Variants in VPS52 observed in about 807,000 individuals in gnomAD.
VPS52 encodes vacuolar protein sorting-associated protein 52 homolog.
A neutral mutation model predicts 98.7 loss-of-function variants in VPS52; 56 were observed. That is an observed-to-expected ratio of 0.57 (90% CI 0.46 to 0.71). The LOEUF is 0.71. VPS52 is among the 30% of genes least tolerant of loss of function. The pLI is 0.00. For synonymous variants in VPS52, 348 were observed against 346.4 expected, an observed-to-expected ratio of 1.00 and a Z score of -0.05; for missense variants, 742 against 925.9, an observed-to-expected ratio of 0.80 and a Z score of 2.58.
intron 17 of VPS52, among the ~76,000 whole-genome samples, chr6:33,263,281 A>C (rs941224779): frequency 2.7e-5 from 4 of 150,778 alleles, no homozygotes; most frequent in East Asian, 3.9e-4. Flanking sequence ...AAAAAAAAAA[A>C]AAACCAAAGA....
upstream of VPS52, chr6:33,271,945 T>A (rs1049830829): frequency 2.9e-6 from 3 of 1,048,478 alleles, no homozygotes; most frequent in Non-Finnish European, 4.1e-6. Flanking sequence ...GCACCGGAAG[T>A]TGTGGTACCC....
In VPS52 at chr6:33,261,497, A is replaced by G. The variant is rs181436989; in HGVS notation, c.1794+1987T>C. Among the ~76,000 whole-genome samples, 333 of 152,210 alleles carry G rather than the reference A, an allele frequency of 2.2e-3. 1 individual carries two copies. Among genetic ancestry groups the G allele is most frequent in the African/African-American group, 7.6e-3 (315 of 41,524 alleles). On this transcript the variant is annotated intron_variant, in intron 17 of 19. Transcript: ENST00000445902. ...AAAAAAAAGAGAGATAGTCTCTTCA[A>G]TAATGGTGCTGGGAAAACTGGCTAT...
At chr6:33,253,464 T>C (rs1762556309) in intron 17 of VPS52, among the ~76,000 whole-genome samples, 1 of 141,934 alleles carries the variant, frequency 7.0e-6, no homozygotes, top group Non-Finnish European at 1.5e-5. Context: ...CACTCCAGCC[T>C]GGAGGCAACA....
In VPS52 at chr6:33,268,194, G is replaced by T; in HGVS notation, c.714C>A (p.Ile238=). 1 of 1,613,064 alleles carries T rather than the reference G, an allele frequency of 6.2e-7. No individual in the cohort carries two copies. The highest frequency in any genetic ancestry group is 8.5e-7 in the Non-Finnish European group (1 of 1,180,028). Residue 238 remains isoleucine (I), a synonymous_variant, in exon 8 of 20, where the codon ATC becomes ATA. Transcript: ENST00000445902. This position sits in a 1 kb window ranked among gnomAD's most constrained non-coding sequence, Gnocchi z 4.0. ...DRLRVKAVTK[I]REFILQKIYS... ...AAATCTTCTGGAGGATAAACTCTCG[G>T]ATCTTCGTCACTGCCTAGATGTGGG... is the stretch of plus-strand genomic sequence containing the variant.
At chr6:33,263,939 G>A (rs1001899236) in intron 15 of VPS52, 60 bp from the exon 16 acceptor site, 311 of 1,613,282 alleles carry the variant, frequency 1.9e-4, no homozygotes, top group Non-Finnish European at 2.5e-4. Context: ...GCCCCATCTG[G>A]CTCCTCCTCA....
At chr6:33,252,628 T>C (rs1214277478) in intron 17 of VPS52, among the ~76,000 whole-genome samples, 1 of 147,232 alleles carries the variant, frequency 6.8e-6, no homozygotes, top group Non-Finnish European at 1.5e-5. Context: ...AAATGACCAA[T>C]TAGTAAGAAC....
intron 17 of VPS52, among the ~76,000 whole-genome samples, chr6:33,257,013 T>TA (rs1763072669): frequency 6.6e-6 from 1 of 151,938 alleles, no homozygotes; most frequent in East Asian, 1.9e-4. Flanking sequence ...TCTCTCTATA[T>TA]ATTTGTTTAT....
Position 33,250,987 on chromosome 6 carries a change from C to T in VPS52, c.2026G>A (p.Gly676Arg). 1 of 1,612,982 alleles carries T rather than the reference C, an allele frequency of 6.2e-7. No individual in the cohort carries two copies. The highest frequency in any genetic ancestry group is 8.5e-7 in the Non-Finnish European group (1 of 1,180,022). The stretch of plus-strand genomic sequence containing the variant: ...AGCTGGATCAGCTGGGTCAGCGCTC[C>T]CTGGTCAAAGAAAGTCATTGAGGGA... ...NFRNGTSIIQGALTQLIQLYH... is the reference protein window; with the variant it reads ...NFRNGTSIIQRALTQLIQLYH... The change falls in exon 20 of 20, where the codon GGA becomes AGA. Residue 676 changes from glycine (G) to arginine (R), a missense_variant and splice_region_variant. Around this residue, in one of 2 missense-constraint regions of VPS52, gnomAD observed 590 missense variants for 793.3 expected, o/e 0.74. Coordinates refer to ENST00000445902, the MANE Select transcript of VPS52 (RefSeq NM_022553.6).
In VPS52 at chr6:33,267,997, C is replaced by A; in HGVS notation, c.801G>T (p.Arg267Ser). 6.2e-7 allele frequency: 1 copy of A among 1,613,002 alleles called. No individual in the cohort carries two copies. Among genetic ancestry groups the A allele is most frequent in the Non-Finnish European group, 8.5e-7 (1 of 1,179,992 alleles). Residue 267 changes from arginine (R) to serine (S), a missense_variant and splice_region_variant, in exon 9 of 20, where the codon AGG becomes AGT. Transcript: ENST00000445902. The surrounding 1 kb of genome is among the most constrained non-coding windows in gnomAD (Gnocchi z 4.2). ...QIPQTALLKY[R>S]FFYQFLLGNE... is the part of the protein sequence containing the mutation. ...TGCCCAGCAGAAACTGATAGAAGAACCTAGGGGGTCAGGAACATGTCAGTC... is the reference window on the plus strand; with the variant it reads ...TGCCCAGCAGAAACTGATAGAAGAAACTAGGGGGTCAGGAACATGTCAGTC...
rs1055010102 is a variant in VPS52 at position 33,266,252 on chromosome 6, C to T, written c.1281+305G>A. On this transcript the variant is annotated intron_variant, in intron 12 of 19. Transcript: ENST00000445902. The stretch of plus-strand genomic sequence containing the variant: ...CTCCTGGGCTCAAGCAATCCTTCCA[C>T]CTCAGCATCTTTAGTAGCTGTGACC... Among the ~76,000 whole-genome samples, 3 of 151,484 alleles carry T rather than the reference C, an allele frequency of 2.0e-5. No individual in the cohort carries two copies. The South Asian group carries it at 6.2e-4, about 31-fold the overall frequency.
At chr6:33,270,399 G>T in intron 1 of VPS52, 116 bp from the exon 2 acceptor site, 1 of 936,864 alleles carries the variant, frequency 1.1e-6, no homozygotes, top group Non-Finnish European at 1.6e-6. Context: ...GGAGCCACAG[G>T]TACTGCTTTG....
chr6:33,269,205 A>G lies in VPS52; in HGVS notation c.373-16T>C. 6.2e-7 allele frequency: 1 copy of G among 1,612,850 alleles called. No individual in the cohort carries two copies. The highest frequency in any genetic ancestry group is 1.1e-5 in the South Asian group (1 of 91,082). On this transcript the variant is annotated splice_polypyrimidine_tract_variant and intron_variant, in intron 5 of 19. Transcript: ENST00000445902. The stretch of plus-strand genomic sequence containing the variant: ...GCTCCATTCGCTGTAGGGAGGGTAG[A>G]TGTTGCCGGAGTGCTATAGGGTTTG...
rs536842723 is a variant in VPS52, at chr6:33,267,447, C to G, written c.992-126G>C. 2.1e-6 allele frequency: 3 copies of G among 1,426,310 alleles called. No homozygotes were observed. The highest frequency in any genetic ancestry group is 2.9e-5 in the African/African-American group (2 of 69,550). 88.4% of individuals were successfully genotyped at this position (1,426,310 alleles called of 1,614,324 possible). On this transcript the variant is annotated intron_variant, in intron 10 of 19. Transcript: ENST00000445902. This position sits in a 1 kb window ranked among gnomAD's most constrained non-coding sequence, Gnocchi z 4.2. Reference sequence around the variant, plus strand: ...CCTCTTTCCCAGTACTAGGGCCCCACGTGCTGACATCTGTGAATGGGCTTC... The same window carrying G: ...CCTCTTTCCCAGTACTAGGGCCCCAGGTGCTGACATCTGTGAATGGGCTTC...
rs946731904 is a variant in VPS52, at chr6:33,267,124, C to A, written c.1125+64G>T. On this transcript the variant is annotated intron_variant, in intron 11 of 19. Coordinates refer to ENST00000445902, the MANE Select transcript of VPS52 (RefSeq NM_022553.6). This position sits in a 1 kb window ranked among gnomAD's most constrained non-coding sequence, Gnocchi z 4.2. ...AGGTTGGGAAGCTCTGCCCTGAGGT[C>A]TGGCCTTCCCTCCCCACCGTGCTCA... 6.9e-7 allele frequency: 1 copy of A among 1,448,428 alleles called. No homozygotes were observed. Among genetic ancestry groups the A allele is most frequent in the African/African-American group, 1.4e-5 (1 of 69,880 alleles). The allele number at this position is 1,448,428 out of a possible 1,614,324, so 89.7% of individuals were successfully genotyped here.
intron 17 of VPS52, among the ~76,000 whole-genome samples, chr6:33,262,040 C>CAAA (rs9257102): frequency 0.015 from 231 of 15,298 alleles, 13 homozygotes; most frequent in East Asian, 0.029. Context: ...AACTCCATCT[C>CAAA]AAAAAAAAAA....
chr6:33,264,424 G>A lies in VPS52; in HGVS notation c.1474C>T (p.Arg492Ter). 6.2e-7 allele frequency: 1 copy of A among 1,614,098 alleles called. No homozygotes were observed. Among genetic ancestry groups the A allele is most frequent in the South Asian group, 1.1e-5 (1 of 91,080 alleles). Residue 492 changes from arginine to a stop codon, truncating the protein, a stop_gained, in exon 14 of 20, where the codon CGA becomes TGA. Transcript: ENST00000445902. LOFTEE classifies it high-confidence loss of function. ...LILEMNVQSV[R>*]STDPQRLGGL... The stretch of plus-strand genomic sequence containing the variant: ...CCTAGGCGCTGGGGGTCAGTGCTTC[G>A]GACGCTCTGAACATTCATCTCCAGG...
At chr6:33,263,383 CTA>C (rs2150831299) in intron 17 of VPS52, 99 bp downstream of exon 17, 3 of 432,636 alleles carry the variant, frequency 6.9e-6, no homozygotes, top group African/African-American at 4.7e-5. Flanking sequence ...ATGCCACTCC[CTA>C]CACACACACA....
Position 33,267,893 on chromosome 6 carries a change from G to A in VPS52, c.905C>T (p.Ser302Phe). 6.2e-7 allele frequency: 1 copy of A among 1,613,074 alleles called. No individual in the cohort carries two copies. Among genetic ancestry groups the A allele is most frequent in the Non-Finnish European group, 8.5e-7 (1 of 1,180,012 alleles). The change falls in exon 9 of 20, where the codon TCT (serine) becomes TTT (phenylalanine). Residue 302 changes from serine (S) to phenylalanine (F), a missense_variant. Ser to Phe is a radical substitution (Grantham distance 155). Transcript: ENST00000445902. The surrounding 1 kb of genome is among the most constrained non-coding windows in gnomAD (Gnocchi z 4.2). ...CACCTTCATGAGCCGCCCCAGGTAA[G>A]AGCGGTAGTAAGACAGGTAAATCTT... The part of the protein sequence containing the change: ...LSKIYLSYYR[S>F]YLGRLMKVQY...
Position 33,268,870 on chromosome 6 carries a change from C to G in VPS52, c.548+144G>C, listed in dbSNP as rs988846973. The G allele has an allele frequency of 1.7e-6, 2 of 1,180,796 alleles. No homozygotes were observed. The highest frequency in any genetic ancestry group is 2.4e-6 in the Non-Finnish European group (2 of 847,514). 73.1% of individuals were successfully genotyped at this position (1,180,796 alleles called of 1,614,324 possible). On this transcript the variant is annotated intron_variant, in intron 6 of 19. Coordinates refer to ENST00000445902, the MANE Select transcript of VPS52 (RefSeq NM_022553.6). This position sits in a 1 kb window ranked among gnomAD's most constrained non-coding sequence, Gnocchi z 4.0. ...CTTAATCTTTGATGCCTAATGCATA[C>G]CTAAAGAAATGGTGGTTAACCTGGC...
Sources: allele counts gnomAD v4.1 joint callset (sites outside exome capture counted in the v4.1 genomes callset), GRCh38; gene constraint gnomAD v4.1.1; regional missense constraint gnomAD v4.1.1; non-coding constraint Gnocchi (gnomAD v3.1); transcripts MANE v1.5; gene names NCBI Gene and HGNC (gene_info 2026-07-23, HGNC 2026-07-21).